The following MYT1L variants were observed in gnomAD, a reference collection of about 807,000 sequenced individuals.
MYT1L encodes the protein myelin transcription factor 1 like.
In MYT1L, 12 loss-of-function variants were observed where a neutral mutation model predicts 126.7. The ratio of observed to expected loss-of-function variants is 0.09; its 90% confidence interval spans 0.06 to 0.15. The LOEUF (loss-of-function observed/expected upper bound fraction) is 0.15. MYT1L is among the 10% of genes least tolerant of loss of function. The probability of loss-of-function intolerance (pLI) is 1.00; values close to 1 mark genes in which losing one functional copy is unlikely to be tolerated. For synonymous variants in MYT1L, 541 were observed against 604.2 expected (o/e 0.90, Z 1.53); for missense variants, 979 against 1,585.2 (o/e 0.62, Z 6.49).
chr2:2,281,246 G>A (rs568610364), intron 2 of MYT1L, among the ~76,000 whole-genome samples: 9 of 152,252 alleles, frequency 5.9e-5, no homozygotes, highest in East Asian at 3.9e-4. Context: ...GCCTTCTGCC[G>A]TGATTGCAAG....
At chr2:2,073,387 G>C (rs768745401) in intron 3 of MYT1L, among the ~76,000 whole-genome samples, 5 of 152,038 alleles carry the variant, frequency 3.3e-5, no homozygotes, top group Non-Finnish European at 5.9e-5. Context: ...GAAGATTACA[G>C]AAAGAAGACT....
chr2:2,052,925 C>T (rs553289974), intron 4 of MYT1L, among the ~76,000 whole-genome samples: 1 of 152,278 alleles, frequency 6.6e-6, no homozygotes, highest in East Asian at 1.9e-4. Context: ...TCCAGCAATT[C>T]CACTTCTGGG....
At chr2:1,898,745 G>C (rs1158525672) in intron 14 of MYT1L, among the ~76,000 whole-genome samples, 1 of 152,236 alleles carries the variant, frequency 6.6e-6, no homozygotes, top group Non-Finnish European at 1.5e-5. Flanking sequence ...CCTGCAGGAG[G>C]AGAAAACTTC....
At chr2:2,022,188 C>T (rs1308696221) in intron 4 of MYT1L, among the ~76,000 whole-genome samples, 1 of 152,158 alleles carries the variant, frequency 6.6e-6, no homozygotes, top group African/African-American at 2.4e-5. Flanking sequence ...CACAGGCACA[C>T]ATCTACTGAG....
At chr2:2,265,721 G>T (rs2095110679) in intron 2 of MYT1L, among the ~76,000 whole-genome samples, 1 of 152,176 alleles carries the variant, frequency 6.6e-6, no homozygotes, top group Non-Finnish European at 1.5e-5. Flanking sequence ...TATTTTATAT[G>T]GTTTTGGTAA....
At chr2:1,796,143 C>T (rs867719631) in intron 23 of MYT1L, among the ~76,000 whole-genome samples, 26 of 152,262 alleles carry the variant, frequency 1.7e-4, no homozygotes, top group African/African-American at 5.8e-4. Context: ...CACACTCACA[C>T]GTGTTTTGAG....
chr2:2,202,871 CAATAA>C (rs1366761899), intron 2 of MYT1L, among the ~76,000 whole-genome samples: 4 of 152,162 alleles, frequency 2.6e-5, no homozygotes, highest in Non-Finnish European at 5.9e-5. Flanking sequence ...CAAAAATCCT[CAATAA>C]AATACTGGCA....
At chr2:1,861,049 G>A (rs1366288342) in intron 18 of MYT1L, among the ~76,000 whole-genome samples, 8 of 152,120 alleles carry the variant, frequency 5.3e-5, no homozygotes, top group Non-Finnish European at 1.2e-4. Context: ...GAGGGAAGCG[G>A]CGACAATGGC....
At chr2:1,991,426 T>A (rs921940764) in intron 5 of MYT1L, among the ~76,000 whole-genome samples, 5 of 152,066 alleles carry the variant, frequency 3.3e-5, no homozygotes, top group Non-Finnish European at 5.9e-5. Flanking sequence ...CCCCTGAGAC[T>A]CTGGGATTAC....
At chr2:1,958,623 G>C (rs2058707510) in intron 8 of MYT1L, among the ~76,000 whole-genome samples, 1 of 152,226 alleles carries the variant, frequency 6.6e-6, no homozygotes, top group African/African-American at 2.4e-5. Flanking sequence ...CTCCGTCAGA[G>C]CCGCTCTGTG....
intron 2 of MYT1L, among the ~76,000 whole-genome samples, chr2:2,270,630 A>G (rs528646404): frequency 3.2e-4 from 48 of 152,226 alleles, no homozygotes; most frequent in African/African-American, 9.6e-4. Context: ...ATTACAGCCA[A>G]TCTCCCTAAT....
intron 14 of MYT1L, among the ~76,000 whole-genome samples, chr2:1,898,349 G>C (rs1047228908): frequency 6.6e-6 from 1 of 152,218 alleles, no homozygotes; most frequent in African/African-American, 2.4e-5. Context: ...TCCAACTAGT[G>C]TTTCAAGTAA....
chr2:2,090,457 C>A (rs1006626212), intron 3 of MYT1L, among the ~76,000 whole-genome samples: 1 of 152,188 alleles, frequency 6.6e-6, no homozygotes, highest in African/African-American at 2.4e-5. Context: ...TGCTTTATTG[C>A]TCAATAATTC....
intron 3 of MYT1L, among the ~76,000 whole-genome samples, chr2:2,067,962 G>A (rs2074078684): frequency 1.3e-5 from 2 of 152,136 alleles, no homozygotes; most frequent in South Asian, 4.1e-4. Context: ...AAGCCCAGAT[G>A]AGATACTGTC....
At chr2:2,202,400 GA>G (rs2093120780) in intron 2 of MYT1L, among the ~76,000 whole-genome samples, 1 of 152,074 alleles carries the variant, frequency 6.6e-6, no homozygotes, top group South Asian at 2.1e-4. Context: ...AGAAAAGAGA[GA>G]AGAACCAAAT....
At chr2:2,039,798 A>C (rs75070701) in intron 4 of MYT1L, among the ~76,000 whole-genome samples, 150 of 152,250 alleles carry the variant, frequency 9.9e-4, no homozygotes, top group African/African-American at 3.4e-3. Context: ...GCGGAGTGTG[A>C]CTAGGGACAT....
rs535489268 is a variant in MYT1L at position 1,956,493 on chromosome 2, T to C, written c.153-13159A>G. On this transcript the variant is annotated intron_variant, in intron 8 of 24. Coordinates refer to ENST00000647738, the MANE Select transcript of MYT1L (RefSeq NM_001303052.2). The stretch of plus-strand genomic sequence containing the variant: ...TTTCCTATTCTTTCTATGTGTCCTA[T>C]TCTATATTTCCTATTCTATCTATCT... Among the ~76,000 whole-genome samples the C allele has an allele frequency of 1.0e-3, 148 of 146,966 alleles. 2 individuals carry two copies. The highest frequency in any genetic ancestry group is 3.6e-3 in the African/African-American group (144 of 39,586).
intron 24 of MYT1L, 150 bp from the exon 25 acceptor site, chr2:1,792,157 C>A: frequency 8.1e-7 from 1 of 1,237,522 alleles, no homozygotes; most frequent in African/African-American, 1.5e-5. Context: ...CTGGGGTCAG[C>A]CCCGCCCATG....
At chr2:2,021,775 T>A (rs2065054885) in intron 4 of MYT1L, among the ~76,000 whole-genome samples, 1 of 152,112 alleles carries the variant, frequency 6.6e-6, no homozygotes, top group Non-Finnish European at 1.5e-5. Context: ...TGGGTGCCTG[T>A]ACTCCCAGCT....
Sources: gnomAD v4.1 joint callset for allele counts (sites outside exome capture counted in the v4.1 genomes callset) on GRCh38, gnomAD v4.1.1 for gene constraint, MANE v1.5 for transcripts, NCBI Gene and HGNC (gene_info 2026-07-23, HGNC 2026-07-21) for gene names.